The following PTPRD variants were observed in gnomAD, a reference collection of about 807,000 sequenced individuals.
PTPRD encodes the protein receptor-type tyrosine-protein phosphatase delta.
A neutral mutation model predicts 214.5 loss-of-function variants in PTPRD; 34 were observed. The observed-to-expected ratio is 0.16, with a 90% confidence interval of 0.12 to 0.21. The LOEUF is 0.21. Ranked by LOEUF, PTPRD falls within the 10% of genes least tolerant of loss-of-function variation. The pLI is 1.00. For synonymous variants in PTPRD, 1,128 were observed against 845.7 expected (o/e 1.33, Z -5.79); for missense variants, 2,545 against 2,398.7 (o/e 1.06, Z -1.27).
intron 11 of PTPRD, among the ~76,000 whole-genome samples, chr9:8,784,472 G>A (rs1225744840): frequency 6.6e-6 from 1 of 152,116 alleles, no homozygotes; most frequent in African/African-American, 2.4e-5. Context: ...TATTCCCAAG[G>A]ATCCTGGCAT....
intron 35 of PTPRD, among the ~76,000 whole-genome samples, chr9:8,428,126 C>A (rs1488364698): frequency 6.6e-6 from 1 of 152,152 alleles, no homozygotes; most frequent in African/African-American, 2.4e-5. Flanking sequence ...GTGACCTGAG[C>A]CAAGGGCCTG....
intron 9 of PTPRD, among the ~76,000 whole-genome samples, chr9:9,391,725 A>C (rs988677683): frequency 1.1e-4 from 17 of 152,152 alleles, no homozygotes; most frequent in Non-Finnish European, 1.6e-4. Flanking sequence ...TTAAGTAGTA[A>C]AACCAAACTC....
intron 3 of PTPRD, among the ~76,000 whole-genome samples, chr9:10,224,545 T>G (rs1290206408): frequency 6.6e-6 from 1 of 152,098 alleles, no homozygotes; most frequent in Non-Finnish European, 1.5e-5. Flanking sequence ...CTTAAGGTAT[T>G]GTTGAAATTC....
chr9:10,114,868 A>G (rs897762911), intron 3 of PTPRD, among the ~76,000 whole-genome samples: 6 of 152,014 alleles, frequency 3.9e-5, no homozygotes, highest in Admixed American at 3.9e-4. Context: ...TCTACTTTAG[A>G]ATATCAATAG....
intron 3 of PTPRD, among the ~76,000 whole-genome samples, chr9:10,129,932 T>A (rs1334936373): frequency 6.6e-6 from 1 of 151,962 alleles, no homozygotes; most frequent in Non-Finnish European, 1.5e-5. Context: ...AATAACCAAA[T>A]GTTTTTTTTT....
At chr9:9,769,819 C>T (rs530132754) in intron 5 of PTPRD, among the ~76,000 whole-genome samples, 4 of 151,984 alleles carry the variant, frequency 2.6e-5, no homozygotes, top group African/African-American at 9.6e-5. Flanking sequence ...TCCATGTGTT[C>T]TCATTGTTCA....
chr9:10,277,921 G>A (rs1487412261), intron 3 of PTPRD, among the ~76,000 whole-genome samples: 3 of 152,176 alleles, frequency 2.0e-5, no homozygotes, highest in Non-Finnish European at 4.4e-5. Context: ...CACTTTGGGA[G>A]GGTGAGGCGG....
intron 3 of PTPRD, among the ~76,000 whole-genome samples, chr9:10,210,118 T>A (rs1305648833): frequency 2.6e-5 from 4 of 152,164 alleles, no homozygotes; most frequent in Non-Finnish European, 4.4e-5. Context: ...ATTAAAAAAA[T>A]TTCAACTGAA....
At chr9:9,704,983 G>C (rs948896610) in intron 7 of PTPRD, among the ~76,000 whole-genome samples, 1 of 152,074 alleles carries the variant, frequency 6.6e-6, no homozygotes, top group Non-Finnish European at 1.5e-5. Context: ...CTAAATTTTG[G>C]GGTAGTTTGT....
At chr9:8,567,657 C>A (rs2089790145) in intron 14 of PTPRD, among the ~76,000 whole-genome samples, 1 of 152,130 alleles carries the variant, frequency 6.6e-6, no homozygotes, top group South Asian at 2.1e-4. Flanking sequence ...AGACTGTGTG[C>A]TCTTTGAGCT....
chr9:8,725,370 C>T (rs1300560297), intron 12 of PTPRD, among the ~76,000 whole-genome samples: 1 of 152,044 alleles, frequency 6.6e-6, no homozygotes, highest in African/African-American at 2.4e-5. Context: ...ACATTTTATC[C>T]TCAGTAGTTA....
At position 8,987,287 on chromosome 9, in the gene PTPRD, G is replaced by T. The variant is rs953376605; in HGVS notation, c.-104+31410C>A. ...TGTGAGTGTGTGGGTGGGTATGTGT[G>T]GTGGGTGGAGAATGAACCTCATTAG... On this transcript the variant is annotated intron_variant, in intron 11 of 45. Coordinates refer to ENST00000381196, the MANE Select transcript of PTPRD (RefSeq NM_002839.4). 1.1e-4 allele frequency among the ~76,000 whole-genome samples: 16 copies of T among 152,026 alleles called. 2 individuals are homozygous for T. The highest frequency in any genetic ancestry group is 9.2e-4 in the Admixed American group (14 of 15,238).
At chr9:10,574,558 C>T (rs150323230) in intron 2 of PTPRD, among the ~76,000 whole-genome samples, 5 of 151,972 alleles carry the variant, frequency 3.3e-5, no homozygotes, top group Admixed American at 2.6e-4. Flanking sequence ...CATTTCTAAG[C>T]TCTGGCTAAG....
intron 8 of PTPRD, among the ~76,000 whole-genome samples, chr9:9,443,541 C>A (rs2089149181): frequency 6.6e-6 from 1 of 152,214 alleles, no homozygotes; most frequent in South Asian, 2.1e-4. Context: ...TGTGAGAAAA[C>A]TGGCAACTTT....
chr9:8,671,009 G>A (rs1278887380), intron 12 of PTPRD, among the ~76,000 whole-genome samples: 1 of 152,170 alleles, frequency 6.6e-6, no homozygotes, highest in Non-Finnish European at 1.5e-5. Flanking sequence ...GGATGTGGAG[G>A]TGGGGGGAGG....
chr9:9,396,412 C>T (rs998314008), intron 9 of PTPRD, among the ~76,000 whole-genome samples: 6 of 152,002 alleles, frequency 3.9e-5, no homozygotes, highest in African/African-American at 9.7e-5. Context: ...AGATAGCCCA[C>T]ATTATTCATA....
At chr9:10,090,907 A>G (rs2098420972) in intron 3 of PTPRD, among the ~76,000 whole-genome samples, 1 of 132,568 alleles carries the variant, frequency 7.5e-6, no homozygotes, top group Non-Finnish European at 1.6e-5. Context: ...ATTTGTGTAT[A>G]TAAATGAAAT....
intron 8 of PTPRD, among the ~76,000 whole-genome samples, chr9:9,481,945 C>G (rs1184132984): frequency 1.3e-5 from 2 of 152,058 alleles, no homozygotes; most frequent in African/African-American, 4.8e-5. Flanking sequence ...AAAATCAAAT[C>G]TGCTTGAATT....
At chr9:9,358,257 A>C (rs1190568719) in intron 9 of PTPRD, among the ~76,000 whole-genome samples, 1 of 151,322 alleles carries the variant, frequency 6.6e-6, no homozygotes, top group Non-Finnish European at 1.5e-5. Context: ...CTATTTAAAA[A>C]TATAGACCAA....
Sources: allele counts gnomAD v4.1 joint callset (sites outside exome capture counted in the v4.1 genomes callset), GRCh38; gene constraint gnomAD v4.1.1; transcripts MANE v1.5; gene names NCBI Gene and HGNC (gene_info 2026-07-23, HGNC 2026-07-21).